Variants in ABCG8 observed in about 807,000 individuals in gnomAD.
ABCG8 encodes ATP binding cassette subfamily G member 8.
Under a neutral mutation model 71.3 loss-of-function variants are expected in ABCG8, and 81 were observed. That is an observed-to-expected ratio of 1.14 (90% CI 0.95 to 1.37). ABCG8 has a LOEUF of 1.37. Among genes scored for constraint, ABCG8 ranks in the 40% most tolerant of loss-of-function variants. The probability of loss-of-function intolerance (pLI) is 0.00; values close to 1 mark genes in which losing one functional copy is unlikely to be tolerated. For synonymous variants in ABCG8, 451 were observed against 354.7 expected, an observed-to-expected ratio of 1.27 and a Z score of -3.05; for missense variants, 1,119 against 866.2, an observed-to-expected ratio of 1.29 and a Z score of -3.66.
At chr2:43,840,795 C>T (rs1344225108) in intron 1 of ABCG8, among the ~76,000 whole-genome samples, 1 of 152,190 alleles carries the variant, frequency 6.6e-6, no homozygotes, top group African/African-American at 2.4e-5. Flanking sequence ...CTCCATCCCA[C>T]TCCATGGGGC....
intron 8 of ABCG8, among the ~76,000 whole-genome samples, chr2:43,873,351 A>C (rs1669846278): frequency 6.6e-6 from 1 of 151,548 alleles, no homozygotes; most frequent in Non-Finnish European, 1.5e-5. Context: ...ACCACTCCTG[A>C]CTAATTTTTT....
intron 6 of ABCG8, among the ~76,000 whole-genome samples, chr2:43,859,117 C>T (rs927645147): frequency 6.6e-6 from 1 of 151,230 alleles, no homozygotes; most frequent in East Asian, 2.0e-4. Flanking sequence ...AGAATTCTCA[C>T]TGTCTGGATA....
At position 43,877,616 on chromosome 2, in the gene ABCG8, G is replaced by A. The variant is rs1670003146; in HGVS notation, c.1812G>A (p.Met604Ile). 3.7e-6 allele frequency: 6 copies of A among 1,613,996 alleles called. No homozygotes were observed. Among genetic ancestry groups the A allele is most frequent in the Middle Eastern group, 1.6e-4 (1 of 6,082 alleles). ...SFLRWCFEGL[M>I]KIQFSRRTYK... ...TGCGGTGGTGTTTTGAAGGGCTGAT[G>A]AAGATTCAGTTCAGCAGAAGAACTT... The change falls in exon 12 of 13, where the codon ATG becomes ATA. Residue 604 changes from methionine to isoleucine, a missense_variant. Coordinates refer to ENST00000272286, the MANE Select transcript of ABCG8 (RefSeq NM_022437.3).
chr2:43,849,617 G>A (rs1159154219), intron 3 of ABCG8, among the ~76,000 whole-genome samples: 1 of 152,088 alleles, frequency 6.6e-6, no homozygotes, highest in Non-Finnish European at 1.5e-5. Context: ...TCCATTGGAA[G>A]GCTCCCCACC....
intron 6 of ABCG8, among the ~76,000 whole-genome samples, chr2:43,869,534 ACTAT>A (rs1669681354): frequency 6.6e-6 from 1 of 150,636 alleles, no homozygotes; most frequent in African/African-American, 2.4e-5. Context: ...TAAAACTCTC[ACTAT>A]CTGTCTGGAT....
At chr2:43,865,810 T>C (rs2104937685) in intron 6 of ABCG8, among the ~76,000 whole-genome samples, 1 of 150,662 alleles carries the variant, frequency 6.6e-6, no homozygotes, top group East Asian at 1.9e-4. Context: ...GAACTTTCAC[T>C]ATCTGTCTAG....
At chr2:43,852,174 C>A (rs541888668) in intron 4 of ABCG8, among the ~76,000 whole-genome samples, 180 bp from the exon 5 acceptor site, 5 of 152,362 alleles carry the variant, frequency 3.3e-5, no homozygotes, top group African/African-American at 1.2e-4. Context: ...CGAGGCCCCT[C>A]GGGACCTGTG....
intron 8 of ABCG8, 76 bp from the exon 9 acceptor site, chr2:43,873,711 G>A: frequency 6.8e-7 from 1 of 1,469,908 alleles, no homozygotes; most frequent in Admixed American, 1.7e-5. Flanking sequence ...TGAGGCTTAT[G>A]GAGACTGTGA....
chr2:43,874,683 G>A (rs550908626), intron 10 of ABCG8, among the ~76,000 whole-genome samples, 200 bp downstream of exon 10: 4 of 152,210 alleles, frequency 2.6e-5, no homozygotes, highest in African/African-American at 9.6e-5. Context: ...CAAAACACCA[G>A]GACTGTGGAC....
intron 6 of ABCG8, among the ~76,000 whole-genome samples, chr2:43,854,853 G>C (rs573284231): frequency 6.6e-6 from 1 of 152,250 alleles, no homozygotes; most frequent in East Asian, 1.9e-4. Flanking sequence ...CACTGCAAGA[G>C]GACAGCTGTG....
chr2:43,870,625 C>G (rs1209678762), intron 6 of ABCG8, among the ~76,000 whole-genome samples: 1 of 152,114 alleles, frequency 6.6e-6, no homozygotes, highest in Admixed American at 6.5e-5. Context: ...GGATAGAACT[C>G]TCACTATCTG....
Position 43,839,053 on chromosome 2 carries a change from C to A in ABCG8, c.-1C>A. 6.4e-7 allele frequency: 1 copy of A among 1,550,994 alleles called. No homozygotes were observed. The highest frequency in any genetic ancestry group is 8.7e-7 in the Non-Finnish European group (1 of 1,146,794). Reference sequence around the variant, plus strand: ...CCCAGGGTCACAGACCTGTGGGCCCCATGGCCGGGAAGGCGGCAGAGGAGA... The same window carrying A: ...CCCAGGGTCACAGACCTGTGGGCCCAATGGCCGGGAAGGCGGCAGAGGAGA... On this transcript the variant is annotated 5_prime_UTR_variant, in exon 1 of 13. Coordinates refer to ENST00000272286, the MANE Select transcript of ABCG8 (RefSeq NM_022437.3).
intron 6 of ABCG8, among the ~76,000 whole-genome samples, chr2:43,861,636 G>A (rs1032810806): frequency 1.3e-5 from 2 of 151,276 alleles, no homozygotes; most frequent in South Asian, 2.1e-4. Context: ...TCTCTGGATA[G>A]AACTCTCACT....
chr2:43,858,106 C>A (rs371480046), intron 6 of ABCG8, among the ~76,000 whole-genome samples: 1 of 151,606 alleles, frequency 6.6e-6, no homozygotes, highest in South Asian at 2.1e-4. Flanking sequence ...GGAACTCTCA[C>A]TATTTATCTG....
intron 11 of ABCG8, among the ~76,000 whole-genome samples, chr2:43,876,742 G>A (rs568398764): frequency 6.6e-6 from 1 of 150,550 alleles, no homozygotes; most frequent in South Asian, 2.1e-4. Flanking sequence ...GTGGGAATAT[G>A]GGAGAGAGAG....
rs1306089463 is a variant in ABCG8, at chr2:43,882,126, C to T, written c.*4213C>T. On this transcript the variant is annotated 3_prime_UTR_variant, in exon 13 of 13. Coordinates refer to ENST00000272286, the MANE Select transcript of ABCG8 (RefSeq NM_022437.3). Reference sequence around the variant, plus strand: ...TTTTAATTAAACAGAAAATAATCACCAATATTGGCTCAAATATTTCCTGAT... The same window carrying T: ...TTTTAATTAAACAGAAAATAATCACTAATATTGGCTCAAATATTTCCTGAT... 1 of 152,044 alleles carries T rather than the reference C, an allele frequency of 6.6e-6. No homozygotes were observed. Among genetic ancestry groups the T allele is most frequent in the Non-Finnish European group, 1.5e-5 (1 of 68,028 alleles). The allele number at this position is 152,044 out of a possible 1,614,324, so 9.4% of individuals were successfully genotyped here.
chr2:43,862,184 C>A (rs984389601), intron 6 of ABCG8, among the ~76,000 whole-genome samples: 1 of 150,734 alleles, frequency 6.6e-6, no homozygotes, highest in Non-Finnish European at 1.5e-5. Context: ...AGAATTCTCA[C>A]TATCTATCTT....
intron 1 of ABCG8, among the ~76,000 whole-genome samples, chr2:43,843,033 C>T (rs981197573): frequency 1.3e-5 from 2 of 152,182 alleles, no homozygotes; most frequent in African/African-American, 2.4e-5. Flanking sequence ...GTTATTTTCA[C>T]GTAAGGCATA....
At position 43,852,789 on chromosome 2, in the gene ABCG8, G is replaced by T; in HGVS notation, c.885G>T (p.Gly295=). The T allele has an allele frequency of 6.2e-7, 1 of 1,614,080 alleles. No homozygotes were observed. The highest frequency in any genetic ancestry group is 8.5e-7 in the Non-Finnish European group (1 of 1,180,014). Residue 295 remains glycine, a synonymous_variant, in exon 6 of 13, where the codon GGG becomes GGT. Coordinates refer to ENST00000272286, the MANE Select transcript of ABCG8 (RefSeq NM_022437.3). ...LMTSGTPIYL[G]AAQHMVQYFT... ...CGTCTGGCACCCCCATCTACTTAGGGGCGGCCCAGCACATGGTCCAGTATT... is the reference window on the plus strand; with the variant it reads ...CGTCTGGCACCCCCATCTACTTAGGTGCGGCCCAGCACATGGTCCAGTATT...
Sources: gnomAD v4.1 joint callset for allele counts (sites outside exome capture counted in the v4.1 genomes callset) on GRCh38, gnomAD v4.1.1 for gene constraint, MANE v1.5 for transcripts, NCBI Gene and HGNC (gene_info 2026-07-23, HGNC 2026-07-21) for gene names.